The following SAAL1 variants were observed in gnomAD, a reference collection of about 807,000 sequenced individuals.
SAAL1 encodes the protein protein SAAL1.
A neutral mutation model predicts 59.8 loss-of-function variants in SAAL1; 42 were observed. The ratio of observed to expected loss-of-function variants is 0.70; its 90% CI spans 0.55 to 0.91. The LOEUF is 0.91. SAAL1 is among the 40% of genes least tolerant of loss of function. The pLI, the probability that SAAL1 is intolerant of heterozygous loss-of-function variation, is 0.00. For synonymous variants in SAAL1, 191 were observed against 194.3 expected, an observed-to-expected ratio of 0.98 and a Z score of 0.14; for missense variants, 542 against 561.1, an observed-to-expected ratio of 0.97 and a Z score of 0.34.
At chr11:18,091,810 AC>A (rs1848526134) in intron 4 of SAAL1, among the ~76,000 whole-genome samples, 1 of 152,174 alleles carries the variant, frequency 6.6e-6, no homozygotes, top group Non-Finnish European at 1.5e-5. Context: ...CAGAGAGGCA[AC>A]CCTTTATCTT....
intron 1 of SAAL1, among the ~76,000 whole-genome samples, chr11:18,104,648 T>A (rs1206119681): frequency 1.3e-5 from 2 of 152,080 alleles, no homozygotes; most frequent in African/African-American, 4.8e-5. Flanking sequence ...AGAATAGTAG[T>A]TTGTCATGTG....
chr11:18,103,518 T>C (rs762879405), intron 1 of SAAL1, among the ~76,000 whole-genome samples, 172 bp from the exon 2 acceptor site: 1 of 152,098 alleles, frequency 6.6e-6, no homozygotes, highest in Non-Finnish European at 1.5e-5. Flanking sequence ...TCCCCAAGAG[T>C]GCATGAGTCT....
At chr11:18,093,515 T>C (rs972164741) in intron 3 of SAAL1, among the ~76,000 whole-genome samples, 4 of 152,138 alleles carry the variant, frequency 2.6e-5, no homozygotes, top group African/African-American at 9.7e-5. Flanking sequence ...TGAAAAGAAC[T>C]TAAGAATCTA....
intron 2 of SAAL1, among the ~76,000 whole-genome samples, chr11:18,099,326 T>G (rs568296257): frequency 6.6e-6 from 1 of 152,330 alleles, no homozygotes; most frequent in South Asian, 2.1e-4. Context: ...ATTCATCTAT[T>G]CATTCATTAC....
chr11:18,095,009 G>A (rs1009913603), intron 3 of SAAL1, among the ~76,000 whole-genome samples: 5 of 152,046 alleles, frequency 3.3e-5, no homozygotes, highest in African/African-American at 1.2e-4. Flanking sequence ...AGTTCCCTAG[G>A]GTAAAGCTTC....
At chr11:18,089,300 A>G (rs1191985818) in intron 7 of SAAL1, 30 bp downstream of exon 7, 1 of 1,520,352 alleles carries the variant, frequency 6.6e-7, no homozygotes, top group African/African-American at 1.4e-5. Flanking sequence ...GCATTTTCCC[A>G]GAACATTTTA....
chr11:18,090,503 CAAA>C lies in SAAL1; in HGVS notation c.414-13_414-11del. On this transcript the variant is annotated splice_polypyrimidine_tract_variant and intron_variant, in intron 4 of 11. Coordinates refer to ENST00000524803, the MANE Select transcript of SAAL1 (RefSeq NM_138421.3). ...GTGCAATAACACCTGCCTACAAAAA[CAAA>C]GAAGTTAACCGATATGCCTCACTTC... 3.1e-6 allele frequency: 5 copies of C among 1,600,644 alleles called. No homozygotes were observed. The highest frequency in any genetic ancestry group is 4.2e-6 in the Non-Finnish European group (5 of 1,176,554).
At chr11:18,089,776 T>C (rs1252027320) in intron 6 of SAAL1, among the ~76,000 whole-genome samples, 2 of 152,164 alleles carry the variant, frequency 1.3e-5, no homozygotes, top group Admixed American at 6.6e-5. Flanking sequence ...AAGCTGGACA[T>C]GGTGGCTTAC....
chr11:18,098,936 ATC>A (rs1848604084), intron 2 of SAAL1, among the ~76,000 whole-genome samples: 1 of 152,236 alleles, frequency 6.6e-6, no homozygotes. Context: ...CTTGCATGCT[ATC>A]TCATTTAATT....
At chr11:18,092,205 A>C (rs763104865) in intron 4 of SAAL1, 40 bp downstream of exon 4, 1 of 1,010,552 alleles carries the variant, frequency 9.9e-7, no homozygotes, top group Admixed American at 2.2e-5. Flanking sequence ...AAGGATATAA[A>C]TGAATATATT....
chr11:18,082,493 C>T (rs562188021), intron 10 of SAAL1, among the ~76,000 whole-genome samples: 6 of 146,296 alleles, frequency 4.1e-5, no homozygotes, highest in Admixed American at 1.3e-4. Context: ...GCCATCTTCA[C>T]ATTTATAATG....
chr11:18,086,568 G>C (rs1201868173), intron 9 of SAAL1, among the ~76,000 whole-genome samples: 2 of 152,024 alleles, frequency 1.3e-5, no homozygotes. Context: ...GGGCATAGTG[G>C]TGTGCGCCTG....
At chr11:18,101,656 C>A (rs1387858946) in intron 2 of SAAL1, among the ~76,000 whole-genome samples, 1 of 152,190 alleles carries the variant, frequency 6.6e-6, no homozygotes, top group Non-Finnish European at 1.5e-5. Flanking sequence ...TAACACACCA[C>A]TCTAGGTATT....
chr11:18,084,861 G>T (rs1341628068), intron 9 of SAAL1, among the ~76,000 whole-genome samples: 2 of 152,126 alleles, frequency 1.3e-5, no homozygotes, highest in Admixed American at 6.5e-5. Flanking sequence ...TGCCTCCCAG[G>T]TTCGAGCAAC....
chr11:18,096,845 A>C lies in SAAL1; in HGVS notation c.259T>G (p.Leu87Val). ...GGAGCATTAAATTCTTGGAGAAATA[A>C]AGCCACGTCCTGAAAAGAAAAATGA... is the stretch of plus-strand genomic sequence containing the variant. ...WDMSMDEDVALFLQEFNAPDI... is the reference protein window; with the variant it reads ...WDMSMDEDVAVFLQEFNAPDI... The change falls in exon 3 of 12, where the codon TTA becomes GTA. Residue 87 changes from leucine (L) to valine (V), a missense_variant. Transcript: ENST00000524803. 1 of 1,567,228 alleles carries C rather than the reference A, an allele frequency of 6.4e-7. No homozygotes were observed. The highest frequency in any genetic ancestry group is 1.1e-5 in the South Asian group (1 of 87,586).
intron 7 of SAAL1, among the ~76,000 whole-genome samples, chr11:18,089,001 A>G (rs1195428749): frequency 6.6e-6 from 1 of 152,248 alleles, no homozygotes; most frequent in Non-Finnish European, 1.5e-5. Flanking sequence ...AAAAAAAGCA[A>G]ATGATGTGCA....
chr11:18,099,147 C>G (rs1253737632), intron 2 of SAAL1, among the ~76,000 whole-genome samples: 1 of 152,194 alleles, frequency 6.6e-6, no homozygotes, highest in East Asian at 1.9e-4. Context: ...CCTGTCCATA[C>G]TGGAGCAGTG....
In SAAL1 at chr11:18,089,452, T is replaced by C; in HGVS notation, c.648A>G (p.Lys216=). The C allele has an allele frequency of 6.2e-7, 1 of 1,612,900 alleles. No homozygotes were observed. Among genetic ancestry groups the C allele is most frequent in the South Asian group, 1.1e-5 (1 of 90,762 alleles). ...CATTTCTGACCCATTCTAACATTAG[T>C]TTCTCATCCAAATCAAAGAGCTTGT... ...VVDKLFDLDE[K]LMLEWVRNGA... is the part of the protein sequence containing the mutation. Residue 216 remains lysine (K), a synonymous_variant, in exon 7 of 12, where the codon AAA becomes AAG. Transcript: ENST00000524803.
intron 1 of SAAL1, among the ~76,000 whole-genome samples, chr11:18,105,610 G>A (rs994634060): frequency 2.6e-5 from 4 of 152,204 alleles, no homozygotes; most frequent in Admixed American, 2.6e-4. Context: ...AAAACCCGAG[G>A]AATGCAGTTA....
Sources: allele counts gnomAD v4.1 joint callset (sites outside exome capture counted in the v4.1 genomes callset), GRCh38; gene constraint gnomAD v4.1.1; transcripts MANE v1.5; gene names NCBI Gene and HGNC (gene_info 2026-07-23, HGNC 2026-07-21).